ROR1: variants seen among roughly 807,000 people sequenced by gnomAD.
ROR1 encodes ROR family WNT receptor 1.
Under a neutral mutation model 78.8 loss-of-function variants are expected in ROR1, and 19 were observed. The observed-to-expected ratio is 0.24, with a 90% CI of 0.17 to 0.35. The LOEUF (loss-of-function observed/expected upper bound fraction) is 0.35. Among genes scored for constraint, ROR1 ranks in the 10% least tolerant of loss-of-function variants. The pLI, the probability that ROR1 is intolerant of heterozygous loss-of-function variation, is 1.00. For synonymous variants in ROR1, 386 were observed against 433.6 expected (o/e 0.89, Z 1.36); for missense variants, 917 against 1,177.8 (o/e 0.78, Z 3.24).
At chr1:64,082,619 T>C (rs1195756304) in intron 4 of ROR1, among the ~76,000 whole-genome samples, 1 of 152,246 alleles carries the variant, frequency 6.6e-6, no homozygotes, top group Non-Finnish European at 1.5e-5. Context: ...GGTCACCCTC[T>C]GCCCAGGCAG....
chr1:63,930,603 A>G (rs1194221790), intron 1 of ROR1, among the ~76,000 whole-genome samples: 1 of 152,214 alleles, frequency 6.6e-6, no homozygotes, highest in Non-Finnish European at 1.5e-5. Context: ...GGACCTAGGT[A>G]CGACTCCTCT....
intron 1 of ROR1, among the ~76,000 whole-genome samples, chr1:63,892,363 C>T (rs1645404435): frequency 6.6e-6 from 1 of 152,116 alleles, no homozygotes. Context: ...ATCTGTCTGA[C>T]CCAGAGGTTT....
intron 4 of ROR1, among the ~76,000 whole-genome samples, chr1:64,103,712 C>T (rs935490504): frequency 1.3e-5 from 2 of 151,968 alleles, no homozygotes; most frequent in South Asian, 2.1e-4. Flanking sequence ...GTTAATTTTT[C>T]TGTATTACTG....
chr1:63,839,503 C>CT (rs1036660415), intron 1 of ROR1, among the ~76,000 whole-genome samples: 11 of 151,380 alleles, frequency 7.3e-5, no homozygotes, highest in East Asian at 3.9e-4. Flanking sequence ...GCACATTGAA[C>CT]TTTTTTTTTG....
chr1:63,776,637 A>G (rs1644618178), intron 1 of ROR1, among the ~76,000 whole-genome samples: 1 of 152,230 alleles, frequency 6.6e-6, no homozygotes, highest in African/African-American at 2.4e-5. Flanking sequence ...AGGCAGGCCC[A>G]GGCCTGGTTT....
chr1:63,964,351 C>G (rs1429804278), intron 1 of ROR1, among the ~76,000 whole-genome samples: 1 of 152,128 alleles, frequency 6.6e-6, no homozygotes, highest in Non-Finnish European at 1.5e-5. Context: ...GTTGGCTTCC[C>G]TGGGATAAAT....
chr1:63,849,408 T>C (rs1349832008), intron 1 of ROR1, among the ~76,000 whole-genome samples: 1 of 152,140 alleles, frequency 6.6e-6, no homozygotes. Flanking sequence ...TTAAAATGCC[T>C]AAAATAGGGT....
intron 7 of ROR1, among the ~76,000 whole-genome samples, chr1:64,147,015 T>C (rs1649492136): frequency 6.6e-6 from 1 of 152,222 alleles, no homozygotes; most frequent in African/African-American, 2.4e-5. Context: ...TCATGTTCTT[T>C]TACCAGACAC....
At chr1:64,017,800 C>G (rs893885669) in intron 2 of ROR1, among the ~76,000 whole-genome samples, 1 of 152,262 alleles carries the variant, frequency 6.6e-6, no homozygotes, top group South Asian at 2.1e-4. Flanking sequence ...GGTGAGCAAC[C>G]GAGCAAGCTT....
Position 64,044,791 on chromosome 1 carries a change from A to T in ROR1, c.164-4900A>T, listed in dbSNP as rs531377789. On this transcript the variant is annotated intron_variant, in intron 2 of 8. Coordinates refer to ENST00000371079, the MANE Select transcript of ROR1 (RefSeq NM_005012.4). ...AAGGAAACAGTAGTATTAATTGCCAATAATAAAATTTGAACTTTCCAGAAA... is the reference window on the plus strand; with the variant it reads ...AAGGAAACAGTAGTATTAATTGCCATTAATAAAATTTGAACTTTCCAGAAA... 1.1e-3 allele frequency among the ~76,000 whole-genome samples: 160 copies of T among 152,344 alleles called. 1 individual carries two copies. The highest frequency in any genetic ancestry group is 6.8e-3 in the Middle Eastern group (2 of 294).
rs4988640 is a variant in ROR1, at chr1:63,860,590, C to T, written c.91+86082C>T. 6.2e-3 allele frequency among the ~76,000 whole-genome samples: 929 copies of T among 148,804 alleles called. 3 individuals are homozygous for T. The highest frequency in any genetic ancestry group is 0.011 in the Admixed American group (163 of 14,964). ...ACACACACACACACACACACACACACACACACACACACACATACACACACA... is the reference window on the plus strand; with the variant it reads ...ACACACACACACACACACACACACATACACACACACACACATACACACACA... On this transcript the variant is annotated intron_variant, in intron 1 of 8. Coordinates refer to ENST00000371079, the MANE Select transcript of ROR1 (RefSeq NM_005012.4).
Position 63,774,408 on chromosome 1 carries a change from G to T in ROR1, c.-10G>T, listed in dbSNP as rs968079325. ...GAGCCGCCGCCGCCGCCGCCTCAGC[G>T]AGAGGAGGAATGCACCGGCCGCGCC... On this transcript the variant is annotated 5_prime_UTR_variant, in exon 1 of 9. An upstream open reading frame in the 5' UTR gains an earlier in-frame stop. Coordinates refer to ENST00000371079, the MANE Select transcript of ROR1 (RefSeq NM_005012.4). This position sits in a 1 kb window ranked among gnomAD's most constrained non-coding sequence, Gnocchi z 5.7. The T allele has an allele frequency of 8.8e-6, 11 of 1,249,882 alleles. No homozygotes were observed. The highest frequency in any genetic ancestry group is 1.1e-5 in the Non-Finnish European group (11 of 993,776). 77.4% of individuals were successfully genotyped at this position (1,249,882 alleles called of 1,614,324 possible).
At chr1:64,038,696 G>A (rs17126026) in intron 2 of ROR1, among the ~76,000 whole-genome samples, 3,691 of 152,224 alleles carry the variant, frequency 0.024, 140 homozygotes, top group African/African-American at 0.085. Flanking sequence ...GCATGACTGT[G>A]TAGCCAGGAT....
chr1:64,007,760 C>G (rs1646440811), intron 1 of ROR1, among the ~76,000 whole-genome samples: 1 of 152,124 alleles, frequency 6.6e-6, no homozygotes, highest in Admixed American at 6.5e-5. Flanking sequence ...GAAATGGTAA[C>G]AATTCCAAAC....
intron 1 of ROR1, among the ~76,000 whole-genome samples, chr1:63,858,243 A>G (rs1225832654): frequency 6.6e-6 from 1 of 152,096 alleles, no homozygotes; most frequent in East Asian, 1.9e-4. Flanking sequence ...CTTAAAGTAC[A>G]ATCTTTGCTT....
In ROR1 at chr1:63,777,708, T is replaced by C. The variant is rs891086468; in HGVS notation, c.91+3200T>C. ...CACTTGCTCTGAAATTAGTATCAGG[T>C]TTGGCTGGTGGTTTGATGGTGAACA... On this transcript the variant is annotated intron_variant, in intron 1 of 8. Transcript: ENST00000371079. 2.0e-5 allele frequency among the ~76,000 whole-genome samples: 3 copies of C among 152,170 alleles called. No individual in the cohort carries two copies. The East Asian group carries it at 5.8e-4, about 29-fold the overall frequency.
chr1:63,996,698 T>C (rs965141128), intron 1 of ROR1, among the ~76,000 whole-genome samples: 1 of 152,200 alleles, frequency 6.6e-6, no homozygotes, highest in Non-Finnish European at 1.5e-5. Flanking sequence ...AGTTCTTTTT[T>C]TCCCCCCTTT....
rs562192246 is a variant in ROR1, at chr1:63,899,261, GACTGTAGCAGCATA to G, written c.92-110043_92-110030del. Among the ~76,000 whole-genome samples the G allele has an allele frequency of 3.5e-3, 530 of 152,268 alleles. 4 individuals carry two copies. The highest frequency in any genetic ancestry group is 3.1e-3 in the Non-Finnish European group (211 of 68,022). On this transcript the variant is annotated intron_variant, in intron 1 of 8. Transcript: ENST00000371079. ...TCAGAAGATTTTCAGTAATTTGACT[GACTGTAGCAGCATA>G]CACAGCCATGAGTATACTGTGCCCA...
intron 8 of ROR1, among the ~76,000 whole-genome samples, chr1:64,174,411 T>A (rs982163882): frequency 6.6e-6 from 1 of 152,192 alleles, no homozygotes; most frequent in East Asian, 1.9e-4. Flanking sequence ...AAGCAGCAGA[T>A]TCAAGATGCA....
Sources: gnomAD v4.1 joint callset for allele counts (sites outside exome capture counted in the v4.1 genomes callset) on GRCh38, gnomAD v4.1.1 for gene constraint, Gnocchi (gnomAD v3.1) non-coding constraint, MANE v1.5 for transcripts, NCBI Gene and HGNC (gene_info 2026-07-23, HGNC 2026-07-21) for gene names.